Variants in DGCR2 observed in about 807,000 individuals in gnomAD.
The protein encoded by DGCR2 is DiGeorge syndrome critical region gene 2.
DGCR2 carries 24 observed loss-of-function variants against 51.6 expected under a neutral mutation model. The observed-to-expected ratio is 0.47, with a 90% CI of 0.34 to 0.65. DGCR2 has a LOEUF of 0.65. DGCR2 is among the 30% of genes least tolerant of loss of function. DGCR2 has a pLI of 0.01. For synonymous variants in DGCR2, 340 were observed against 315.4 expected, an observed-to-expected ratio of 1.08 and a Z score of -0.82; for missense variants, 765 against 772.1, an observed-to-expected ratio of 0.99 and a Z score of 0.11.
chr22:19,060,945 C>T (rs578030046), intron 5 of DGCR2: 3 of 468,036 alleles, frequency 6.4e-6, no homozygotes, highest in Admixed American at 4.6e-5. Context: ...TGGTATCACT[C>T]ACACCCCAAT....
chr22:19,117,704 T>G (rs941327760), intron 1 of DGCR2, among the ~76,000 whole-genome samples: 1 of 152,208 alleles, frequency 6.6e-6, no homozygotes, highest in Admixed American at 6.5e-5. Context: ...ATGCAGGTGT[T>G]CTCTGCACTC....
chr22:19,111,906 A>T (rs5993533), intron 1 of DGCR2, among the ~76,000 whole-genome samples: 1 of 150,628 alleles, frequency 6.6e-6, no homozygotes, highest in African/African-American at 2.5e-5. Context: ...AAAGTGATTT[A>T]CCAAGAGTTT....
chr22:19,120,175 G>A (rs1224000007), intron 1 of DGCR2, among the ~76,000 whole-genome samples: 1 of 152,196 alleles, frequency 6.6e-6, no homozygotes, highest in Non-Finnish European at 1.5e-5. Context: ...GTTCTGCAGG[G>A]CAACTCAAGA....
At chr22:19,096,254 A>G (rs551728754) in intron 1 of DGCR2, among the ~76,000 whole-genome samples, 1 of 152,350 alleles carries the variant, frequency 6.6e-6, no homozygotes, top group Admixed American at 6.5e-5. Flanking sequence ...GCACAGAAAG[A>G]CAAACTTCAC....
chr22:19,060,899 T>C (rs2082654864), intron 5 of DGCR2: 1 of 515,354 alleles, frequency 1.9e-6, no homozygotes, highest in Non-Finnish European at 3.9e-6. Flanking sequence ...GTGTGCAGGG[T>C]ACCGACACAT....
At chr22:19,078,123 C>T (rs2082899225) in intron 2 of DGCR2, among the ~76,000 whole-genome samples, 7 of 152,138 alleles carry the variant, frequency 4.6e-5, no homozygotes, top group Admixed American at 4.6e-4. Flanking sequence ...GCTACCACAC[C>T]CAGTGTCTTC....
Position 19,057,216 on chromosome 22 carries a change from G to A in DGCR2, c.626-54C>T. On this transcript the variant is annotated intron_variant, in intron 5 of 9. Coordinates refer to ENST00000263196, the MANE Select transcript of DGCR2 (RefSeq NM_005137.3). This position sits in a 1 kb window ranked among gnomAD's most constrained non-coding sequence, Gnocchi z 5.1. ...ACAACATCACATCAGAGGACAAGCT[G>A]TGCAGTCCTCAAGGGGACCATGGCG... 1 of 1,507,428 alleles carries A rather than the reference G, an allele frequency of 6.6e-7. No homozygotes were observed. Among genetic ancestry groups the A allele is most frequent in the Non-Finnish European group, 9.0e-7 (1 of 1,116,810 alleles). The allele number at this position is 1,507,428 out of a possible 1,614,324, so 93.4% of individuals were successfully genotyped here.
chr22:19,067,322 C>G (rs1022256395), intron 3 of DGCR2, among the ~76,000 whole-genome samples: 4 of 152,236 alleles, frequency 2.6e-5, no homozygotes, highest in African/African-American at 7.2e-5. Context: ...TCCCCTCAAC[C>G]TTCCTTGATG....
intron 2 of DGCR2, among the ~76,000 whole-genome samples, chr22:19,072,540 G>A (rs190233385): frequency 6.6e-6 from 1 of 152,314 alleles, no homozygotes; most frequent in Non-Finnish European, 1.5e-5. Context: ...CAAAGTGAGA[G>A]GTTCTACTGT....
At chr22:19,080,103 T>C (rs997324774) in intron 2 of DGCR2, among the ~76,000 whole-genome samples, 3 of 152,198 alleles carry the variant, frequency 2.0e-5, no homozygotes, top group African/African-American at 7.2e-5. Flanking sequence ...TCCAATCTCC[T>C]GTCTGGGAAA....
At chr22:19,060,042 T>C (rs1303516505) in intron 5 of DGCR2, among the ~76,000 whole-genome samples, 1 of 152,178 alleles carries the variant, frequency 6.6e-6, no homozygotes, top group Non-Finnish European at 1.5e-5. Context: ...TGCTCCCGAA[T>C]GCCCCACCAC....
chr22:19,039,762 T>C (rs2082410956), intron 9 of DGCR2, among the ~76,000 whole-genome samples: 1 of 152,152 alleles, frequency 6.6e-6, no homozygotes, highest in African/African-American at 2.4e-5. Flanking sequence ...GATTGCACAC[T>C]GGTGTGCAGT....
rs1243222253 is a variant in DGCR2 at position 19,036,294 on chromosome 22, C to A, written c.*2571G>T. ...AGGACTAACCATGCCTCTTCCGGAA[C>A]ACAAGTTTATTTGGCATTTGGATGA... On this transcript the variant is annotated 3_prime_UTR_variant, in exon 10 of 10. Transcript: ENST00000263196. 1 of 152,560 alleles carries A rather than the reference C, an allele frequency of 6.6e-6. No homozygotes were observed. The highest frequency in any genetic ancestry group is 1.5e-5 in the Non-Finnish European group (1 of 68,058). The allele number at this position is 152,560 out of a possible 1,614,324, so 9.5% of individuals were successfully genotyped here. A position where few individuals can be genotyped will look rare whatever the true frequency, so the allele number is the denominator to read the frequency against.
chr22:19,122,300 G>T lies in DGCR2; in HGVS notation c.-94C>A. On this transcript the variant is annotated 5_prime_UTR_variant, in exon 1 of 10. Coordinates refer to ENST00000263196, the MANE Select transcript of DGCR2 (RefSeq NM_005137.3). ...CGTGCCAAGCGGAGGGTCAGGCGGAGCTGAACCTGGGCGAGGCGCGGAGAG... is the reference window on the plus strand; with the variant it reads ...CGTGCCAAGCGGAGGGTCAGGCGGATCTGAACCTGGGCGAGGCGCGGAGAG... 9.5e-7 allele frequency: 1 copy of T among 1,047,222 alleles called. No homozygotes were observed. Among genetic ancestry groups the T allele is most frequent in the African/African-American group, 1.7e-5 (1 of 59,016 alleles). 64.9% of individuals were successfully genotyped at this position (1,047,222 alleles called of 1,614,324 possible). A position where few individuals can be genotyped will look rare whatever the true frequency, so the allele number is the denominator to read the frequency against.
intron 2 of DGCR2, among the ~76,000 whole-genome samples, chr22:19,083,844 G>A (rs1004941163): frequency 1.3e-5 from 2 of 150,938 alleles, no homozygotes; most frequent in African/African-American, 2.4e-5. Flanking sequence ...TCAGCCTGCC[G>A]AGTGCCTGCG....
rs1286893938 is a variant in DGCR2 at position 19,037,429 on chromosome 22, G to C, written c.*1436C>G. On this transcript the variant is annotated 3_prime_UTR_variant, in exon 10 of 10. Coordinates refer to ENST00000263196, the MANE Select transcript of DGCR2 (RefSeq NM_005137.3). ...CATCCCCGAGCAGCACCACAGAACT[G>C]CATGCTTCAGACAGGCCTCCCAGGT... The C allele has an allele frequency of 6.6e-6, 1 of 151,142 alleles. No homozygotes were observed. Among genetic ancestry groups the C allele is most frequent in the Non-Finnish European group, 1.5e-5 (1 of 67,928 alleles). 9.4% of individuals were successfully genotyped at this position (151,142 alleles called of 1,614,324 possible). A position where few individuals can be genotyped will look rare whatever the true frequency, so the allele number is the denominator to read the frequency against.
At chr22:19,112,964 A>AT (rs1354502245) in intron 1 of DGCR2, among the ~76,000 whole-genome samples, 2 of 144,596 alleles carry the variant, frequency 1.4e-5, no homozygotes, top group Non-Finnish European at 3.1e-5. Flanking sequence ...GACTAAGCAA[A>AT]TGAGTAAACC....
At chr22:19,076,715 C>A (rs1270004625) in intron 2 of DGCR2, among the ~76,000 whole-genome samples, 5 of 147,110 alleles carry the variant, frequency 3.4e-5, no homozygotes, top group African/African-American at 1.0e-4. Context: ...CTACTCAAGT[C>A]CTTTGCACAT....
intron 1 of DGCR2, among the ~76,000 whole-genome samples, chr22:19,094,007 T>TA (rs200593112): frequency 0.098 from 14,315 of 146,232 alleles, 735 homozygotes; most frequent in Middle Eastern, 0.15. Context: ...TCCCCAACTC[T>TA]AAAAAAAAAT....
Sources: gnomAD v4.1 joint callset for allele counts (sites outside exome capture counted in the v4.1 genomes callset) on GRCh38, gnomAD v4.1.1 for gene constraint, Gnocchi (gnomAD v3.1) non-coding constraint, MANE v1.5 for transcripts, NCBI Gene and HGNC (gene_info 2026-07-23, HGNC 2026-07-21) for gene names.